The following FAM161A variants were observed in gnomAD, a reference collection of about 807,000 sequenced individuals.
FAM161A encodes protein FAM161A.
FAM161A carries 57 observed loss-of-function variants against 70.9 expected under a neutral mutation model. The ratio of observed to expected loss-of-function variants is 0.80; its 90% confidence interval spans 0.65 to 1.00. The LOEUF is 1.00. Ranked by LOEUF, FAM161A falls within the 50% of genes least tolerant of loss-of-function variation. The probability of loss-of-function intolerance (pLI) is 0.00; values close to 1 mark genes in which losing one functional copy is unlikely to be tolerated. For synonymous variants in FAM161A, 299 were observed against 295.7 expected (o/e 1.01, Z -0.12); for missense variants, 880 against 836.0 (o/e 1.05, Z -0.65).
At chr2:61,845,588 T>A (rs1673175141) in intron 1 of FAM161A, among the ~76,000 whole-genome samples, 1 of 152,042 alleles carries the variant, frequency 6.6e-6, no homozygotes, top group Non-Finnish European at 1.5e-5. Context: ...TTTGGGAGGC[T>A]GCAGTGGGAG....
At chr2:61,801,898 G>C in the FAM161A span, among the ~76,000 whole-genome samples, 3 of 152,092 alleles carry the variant, frequency 2.0e-5, no homozygotes, top group African/African-American at 7.2e-5. Flanking sequence ...AATGCTGCTA[G>C]AAGAACTCTA....
chr2:61,826,175 T>A lies in FAM161A; in HGVS notation c.*280A>T. On this transcript the variant is annotated 3_prime_UTR_variant, in exon 7 of 7. Coordinates refer to ENST00000404929, the MANE Select transcript of FAM161A (RefSeq NM_001201543.2). ...AAATAATGTATATTTTTATAACTAA[T>A]CAGTTTGTGACAGCTGTGGTTCTCA... is the stretch of plus-strand genomic sequence containing the variant. 1.7e-6 allele frequency: 1 copy of A among 577,928 alleles called. No homozygotes were observed. Among genetic ancestry groups the A allele is most frequent in the Non-Finnish European group, 3.2e-6 (1 of 309,020 alleles). 35.8% of individuals were successfully genotyped at this position (577,928 alleles called of 1,614,324 possible).
chr2:61,832,894 G>A (rs562912415), intron 5 of FAM161A, among the ~76,000 whole-genome samples: 49 of 152,278 alleles, frequency 3.2e-4, no homozygotes, highest in African/African-American at 1.1e-3. Context: ...CAAAAAGGTT[G>A]AGGACTGCTG....
At chr2:61,850,642 AC>A (rs1444031077) in intron 1 of FAM161A, among the ~76,000 whole-genome samples, 1 of 152,096 alleles carries the variant, frequency 6.6e-6, no homozygotes, top group Non-Finnish European at 1.5e-5. Context: ...AGTTCCAGCT[AC>A]TTGGGAGGCT....
intron 1 of FAM161A, 87 bp downstream of exon 1, chr2:61,853,772 T>G: frequency 6.7e-7 from 1 of 1,488,518 alleles, no homozygotes; most frequent in Admixed American, 1.9e-5. Flanking sequence ...TTTACCAGCC[T>G]GCCCTCAGCT....
At chr2:61,818,156 A>G in the FAM161A span, among the ~76,000 whole-genome samples, 1 of 151,460 alleles carries the variant, frequency 6.6e-6, no homozygotes, top group African/African-American at 2.4e-5. Flanking sequence ...CCTGGGTTCA[A>G]GCAATTCTCC....
At chr2:61,843,125 T>C (rs1293499268) in intron 1 of FAM161A, among the ~76,000 whole-genome samples, 1 of 142,330 alleles carries the variant, frequency 7.0e-6, no homozygotes, top group Non-Finnish European at 1.5e-5. Flanking sequence ...TCCCTTTACA[T>C]ACCTTTCAGT....
intron 4 of FAM161A, among the ~76,000 whole-genome samples, chr2:61,837,625 T>A (rs1283525825): frequency 1.3e-5 from 2 of 152,052 alleles, no homozygotes; most frequent in African/African-American, 4.8e-5. Flanking sequence ...AAAAATTAGC[T>A]AGGCGTGGTG....
chr2:61,821,375 T>C (rs555337443), downstream of FAM161A, among the ~76,000 whole-genome samples: 1 of 152,300 alleles, frequency 6.6e-6, no homozygotes, highest in Non-Finnish European at 1.5e-5. Context: ...AATAGTTATA[T>C]ACCAATTTTT....
chr2:61,837,996 A>C (rs1672837048), intron 4 of FAM161A, among the ~76,000 whole-genome samples: 1 of 152,216 alleles, frequency 6.6e-6, no homozygotes, highest in South Asian at 2.1e-4. Context: ...TTTTATGTGC[A>C]ACATCTGGAA....
rs888295419 is a variant in FAM161A at position 61,826,540 on chromosome 2, T to C, written c.2066A>G (p.Asp689Gly). Reference sequence around the variant, plus strand: ...CTTGTAAGAATCCTGGCTGTTGGTATCAATAAAATAATTTTCTTCCCCATT... The same window carrying C: ...CTTGTAAGAATCCTGGCTGTTGGTACCAATAAAATAATTTTCTTCCCCATT... ...RENGEENYFI[D>G]TNSQDSYKEK... Residue 689 changes from aspartate (D) to glycine (G), a missense_variant, in exon 7 of 7, where the codon GAT (aspartate) becomes GGT (glycine). Coordinates refer to ENST00000404929, the MANE Select transcript of FAM161A (RefSeq NM_001201543.2). 6.2e-7 allele frequency: 1 copy of C among 1,602,800 alleles called. No individual in the cohort carries two copies. The highest frequency in any genetic ancestry group is 8.5e-7 in the Non-Finnish European group (1 of 1,172,570).
chr2:61,812,793 G>GGC, the FAM161A span, among the ~76,000 whole-genome samples: 14 of 152,058 alleles, frequency 9.2e-5, no homozygotes, highest in Non-Finnish European at 1.8e-4. Context: ...ATACTGGCCG[G>GGC]GCGCGGTGGC....
chr2:61,853,848 C>T lies in FAM161A; in HGVS notation c.183+11G>A, dbSNP rs1425721114. On this transcript the variant is annotated intron_variant, in intron 1 of 6. Transcript: ENST00000404929. ...TGCGAGGTCCCAGCCCAAGTCCCGC[C>T]CCAGTATTACCGATGCCCCAGCGGG... 1.9e-6 allele frequency: 3 copies of T among 1,613,834 alleles called. No individual in the cohort carries two copies. The highest frequency in any genetic ancestry group is 1.7e-5 in the Admixed American group (1 of 60,026).
the FAM161A span, among the ~76,000 whole-genome samples, chr2:61,807,039 T>C: frequency 1.6e-4 from 24 of 152,266 alleles, 1 homozygote; most frequent in South Asian, 4.8e-3. Flanking sequence ...GTCAGATAAA[T>C]TGCTGCCTAA....
intron 1 of FAM161A, among the ~76,000 whole-genome samples, chr2:61,842,830 G>T (rs543471716): frequency 6.6e-6 from 1 of 152,288 alleles, no homozygotes; most frequent in East Asian, 1.9e-4. Context: ...TGGAGAGAAG[G>T]CAGGGAAATA....
the FAM161A span, among the ~76,000 whole-genome samples, chr2:61,811,353 G>A: frequency 2.1e-4 from 32 of 151,904 alleles, no homozygotes; most frequent in South Asian, 4.2e-4. Flanking sequence ...ATGCGCCGCC[G>A]CACCTGGCTA....
chr2:61,827,333 A>G (rs2105060185), intron 5 of FAM161A, 75 bp from the exon 6 acceptor site: 1 of 1,496,954 alleles, frequency 6.7e-7, no homozygotes. Context: ...AGATTAGGCC[A>G]GGCGCGGTGG....
At chr2:61,809,901 A>G in the FAM161A span, among the ~76,000 whole-genome samples, 39 of 152,316 alleles carry the variant, frequency 2.6e-4, no homozygotes, top group Admixed American at 1.1e-3. Context: ...AGGAAAGGGT[A>G]TTGGGACTAC....
At chr2:61,818,538 G>A in the FAM161A span, among the ~76,000 whole-genome samples, 1 of 152,150 alleles carries the variant, frequency 6.6e-6, no homozygotes, top group Non-Finnish European at 1.5e-5. Context: ...AAACCAGCTT[G>A]TAGGGGCTCC....
Sources: gnomAD v4.1 joint callset for allele counts (sites outside exome capture counted in the v4.1 genomes callset) on GRCh38, gnomAD v4.1.1 for gene constraint, MANE v1.5 for transcripts, NCBI Gene and HGNC (gene_info 2026-07-23, HGNC 2026-07-21) for gene names.